TIA1: variants seen among roughly 807,000 people sequenced by gnomAD.
The protein encoded by TIA1 is TIA1 cytotoxic granule associated RNA binding protein, also known as cytotoxic granule associated RNA binding protein TIA1.
A neutral mutation model predicts 65.9 loss-of-function variants in TIA1; 23 were observed. That is an observed-to-expected ratio of 0.35 (90% CI 0.25 to 0.49). The LOEUF (loss-of-function observed/expected upper bound fraction) is 0.49, where lower values mean the gene tolerates loss of function less well. Among genes scored for constraint, TIA1 ranks in the 20% least tolerant of loss-of-function variants. The pLI is 0.98. For synonymous variants in TIA1, 147 were observed against 149.4 expected, an observed-to-expected ratio of 0.98 and a Z score of 0.12; for missense variants, 371 against 477.9, an observed-to-expected ratio of 0.78 and a Z score of 2.09.
chr2:70,230,400 C>G (rs1358592972), intron 3 of TIA1, among the ~76,000 whole-genome samples: 1 of 151,958 alleles, frequency 6.6e-6, no homozygotes, highest in Non-Finnish European at 1.5e-5. Flanking sequence ...TCTATAATCC[C>G]AACACTTTGC....
At chr2:70,241,813 G>A (rs147267677) in intron 1 of TIA1, among the ~76,000 whole-genome samples, 9 of 151,960 alleles carry the variant, frequency 5.9e-5, no homozygotes, top group African/African-American at 2.2e-4. Context: ...GTGTGGTGGT[G>A]TGCACCTGTA....
chr2:70,216,621 CATATT>C (rs1281168285), intron 8 of TIA1, 122 bp from the exon 9 acceptor site: 1 of 1,287,006 alleles, frequency 7.8e-7, no homozygotes. Context: ...TTATATTACA[CATATT>C]ATACTTCAGT....
chr2:70,243,446 A>G (rs553716646), intron 1 of TIA1, among the ~76,000 whole-genome samples: 1 of 152,236 alleles, frequency 6.6e-6, no homozygotes, highest in African/African-American at 2.4e-5. Flanking sequence ...AAATAAATAA[A>G]TAAATTGTGT....
chr2:70,235,103 T>C (rs941335569), intron 2 of TIA1, among the ~76,000 whole-genome samples: 6 of 152,098 alleles, frequency 3.9e-5, no homozygotes, highest in Admixed American at 3.9e-4. Flanking sequence ...AGGATTTCTC[T>C]TTAACATAGC....
intron 12 of TIA1, among the ~76,000 whole-genome samples, chr2:70,213,839 G>A (rs1347636326): frequency 1.3e-5 from 2 of 151,546 alleles, no homozygotes; most frequent in Non-Finnish European, 2.9e-5. Flanking sequence ...TTTAGCAGAG[G>A]TGGGGTTTCG....
chr2:70,216,905 A>G lies in TIA1; in HGVS notation c.564T>C (p.Ala188=). ...RTNWATRKPP[A]PKSTYESNTK... ...ACCTACACTCATATGTACTCTTTGG[A>G]GCGGGAGGCTTTCGGGTTGCCCAGT... Residue 188 remains alanine, a synonymous_variant, in exon 8 of 13, where the codon GCT becomes GCC. Coordinates refer to ENST00000433529, the MANE Select transcript of TIA1 (RefSeq NM_022173.4). The G allele has an allele frequency of 6.2e-7, 1 of 1,614,022 alleles. No individual in the cohort carries two copies. Among genetic ancestry groups the G allele is most frequent in the South Asian group, 1.1e-5 (1 of 91,068 alleles).
At position 70,242,335 on chromosome 2, in the gene TIA1, C is replaced by T. The variant is rs910178839; in HGVS notation, c.26+6070G>A. 2.0e-5 allele frequency among the ~76,000 whole-genome samples: 3 copies of T among 151,806 alleles called. No individual in the cohort carries two copies. In the East Asian group the frequency reaches 5.8e-4, roughly 29 times the overall value. ...TCACTTGAGCTCAGGAGTTCGAGAT[C>T]AGCCTGGCCAATATGTTGAAACTTG... On this transcript the variant is annotated intron_variant, in intron 1 of 12. Transcript: ENST00000433529.
chr2:70,239,086 G>C (rs964824426), intron 1 of TIA1, among the ~76,000 whole-genome samples: 9 of 151,852 alleles, frequency 5.9e-5, no homozygotes, highest in African/African-American at 2.2e-4. Flanking sequence ...GAAAATAAAG[G>C]TTTTACTATT....
At chr2:70,232,540 CAAAAAAAAAAAAAAAAAAA>C (rs70956955) in intron 2 of TIA1, among the ~76,000 whole-genome samples, 1 of 40,268 alleles carries the variant, frequency 2.5e-5, no homozygotes, top group Non-Finnish European at 4.4e-5. Context: ...AACTCTGTCT[CAAAAAAAAAAAAAAAAAAA>C]AAAAAAAAAA....
chr2:70,235,558 G>GTGTGTA (rs1178425220), intron 2 of TIA1, among the ~76,000 whole-genome samples: 4 of 151,874 alleles, frequency 2.6e-5, no homozygotes, highest in African/African-American at 9.7e-5. Flanking sequence ...GTGTGTGTGT[G>GTGTGTA]TGTGTGTGTG....
At chr2:70,217,628 ACCTC>A (rs1331827264) in intron 7 of TIA1, among the ~76,000 whole-genome samples, 1 of 151,950 alleles carries the variant, frequency 6.6e-6, no homozygotes, top group Admixed American at 6.6e-5. Context: ...CGATCTCCTG[ACCTC>A]GTGATCCTCC....
rs138387534 is a variant in TIA1, at chr2:70,209,797, G to A, written c.*2922C>T. On this transcript the variant is annotated 3_prime_UTR_variant, in exon 13 of 13. Transcript: ENST00000433529. ...TTCTTATTTCCTGTAAGTACATTTC[G>A]TTTTTCTAATTCAACTGTAACCTCA... The A allele has an allele frequency of 7.3e-3, 2,907 of 397,940 alleles. 8 individuals are homozygous for A. Among genetic ancestry groups the A allele is most frequent in the Non-Finnish European group, 0.011 (2,497 of 225,810 alleles). The allele number at this position is 397,940 out of a possible 1,614,324, so 24.7% of individuals were successfully genotyped here. A position where few individuals can be genotyped will look rare whatever the true frequency, so the allele number is the denominator to read the frequency against.
intron 1 of TIA1, among the ~76,000 whole-genome samples, chr2:70,237,140 C>T (rs994633533): frequency 1.3e-5 from 2 of 152,124 alleles, no homozygotes; most frequent in Admixed American, 6.5e-5. Context: ...TGGTGGCTCA[C>T]GCCTGTAATC....
chr2:70,235,936 A>G (rs559153853), intron 2 of TIA1, 143 bp downstream of exon 2: 2 of 477,872 alleles, frequency 4.2e-6, no homozygotes, highest in South Asian at 7.3e-5. Context: ...AATATGGTAA[A>G]CTAAGACTAT....
intron 3 of TIA1, 89 bp downstream of exon 3, chr2:70,230,667 A>AT: frequency 9.6e-7 from 1 of 1,036,980 alleles, no homozygotes; most frequent in Non-Finnish European, 1.4e-6. Flanking sequence ...AAAAAAAAAA[A>AT]GTGTTTAATG....
chr2:70,239,068 T>C (rs1690484225), intron 1 of TIA1, among the ~76,000 whole-genome samples: 1 of 152,072 alleles, frequency 6.6e-6, no homozygotes, highest in Non-Finnish European at 1.5e-5. Context: ...AAACTCTATC[T>C]CTAAAAAGAA....
At position 70,209,946 on chromosome 2, in the gene TIA1, C is replaced by T. The variant is rs1458585078; in HGVS notation, c.*2773G>A. The T allele has an allele frequency of 1.8e-5, 7 of 380,592 alleles. No individual in the cohort carries two copies. Among genetic ancestry groups the T allele is most frequent in the African/African-American group, 1.2e-4 (6 of 48,302 alleles). 23.6% of individuals were successfully genotyped at this position (380,592 alleles called of 1,614,324 possible). ...AAAGGAAGATGTACAAGCACAGGGA[C>T]AAAACAGGAGGAAAATAAAGACTAG... On this transcript the variant is annotated 3_prime_UTR_variant, in exon 13 of 13. Transcript: ENST00000433529.
chr2:70,245,612 T>C (rs955947211), intron 1 of TIA1, among the ~76,000 whole-genome samples: 5 of 152,212 alleles, frequency 3.3e-5, no homozygotes, highest in Non-Finnish European at 7.3e-5. Context: ...AAGAGTAGTA[T>C]ACATCACCCA....
rs569387079 is a variant in TIA1, at chr2:70,209,714, G to A, written c.*3005C>T. On this transcript the variant is annotated 3_prime_UTR_variant, in exon 13 of 13. Transcript: ENST00000433529. ...TTTCGTGAAATAAAGAACATTATTT[G>A]AGAGAAAAAAACTGATTTTTTTTAA... is the stretch of plus-strand genomic sequence containing the variant. 20 of 398,186 alleles carry A rather than the reference G, an allele frequency of 5.0e-5. No individual in the cohort carries two copies. The South Asian group carries it at 5.1e-4, about 10-fold the overall frequency. 24.7% of individuals were successfully genotyped at this position (398,186 alleles called of 1,614,324 possible).
Sources: allele counts gnomAD v4.1 joint callset (sites outside exome capture counted in the v4.1 genomes callset), GRCh38; gene constraint gnomAD v4.1.1; transcripts MANE v1.5; gene names NCBI Gene and HGNC (gene_info 2026-07-23, HGNC 2026-07-21).